The following TTC23 variants were observed in gnomAD, a reference collection of about 807,000 sequenced individuals.
TTC23 encodes tetratricopeptide repeat domain 23.
Under a neutral mutation model 55.1 loss-of-function variants are expected in TTC23, and 58 were observed. That is an observed-to-expected ratio of 1.05 (90% CI 0.85 to 1.31). The LOEUF (loss-of-function observed/expected upper bound fraction) is 1.31. Among genes scored for constraint, TTC23 ranks in the 50% most tolerant of loss-of-function variants. The pLI is 0.00. For missense variants in TTC23, 516 were observed against 534.4 expected, an observed-to-expected ratio of 0.97 and a Z score of 0.34; for synonymous variants, 203 against 199.9, an observed-to-expected ratio of 1.02 and a Z score of -0.13.
chr15:99,143,502 C>CT (rs1861617036), intron 12 of TTC23, among the ~76,000 whole-genome samples: 2 of 152,222 alleles, frequency 1.3e-5, no homozygotes, highest in African/African-American at 4.8e-5. Flanking sequence ...ATATTCTGTG[C>CT]TCCCCAGATT....
intron 8 of TTC23, among the ~76,000 whole-genome samples, chr15:99,215,393 A>G (rs1345688593): frequency 6.6e-6 from 1 of 152,194 alleles, no homozygotes; most frequent in Admixed American, 6.5e-5. Context: ...ATTTACAATT[A>G]GATTCTAATA....
chr15:99,157,849 C>T (rs1238455492), intron 11 of TTC23: 1 of 152,206 alleles, frequency 6.6e-6, no homozygotes, highest in Non-Finnish European at 1.5e-5. Flanking sequence ...TCCATACTTT[C>T]TCCAGAAATT....
intron 9 of TTC23, among the ~76,000 whole-genome samples, chr15:99,193,145 G>A (rs1202897081): frequency 2.0e-5 from 3 of 152,182 alleles, no homozygotes; most frequent in Admixed American, 2.0e-4. Flanking sequence ...GACAGGACTT[G>A]CCTTGTCTCT....
At chr15:99,192,645 C>A (rs2075338828) in intron 9 of TTC23, among the ~76,000 whole-genome samples, 1 of 152,162 alleles carries the variant, frequency 6.6e-6, no homozygotes, top group East Asian at 1.9e-4. Context: ...GGGGTGGGGT[C>A]CTCATGAAGA....
intron 4 of TTC23, among the ~76,000 whole-genome samples, chr15:99,232,693 T>C (rs2079026847): frequency 1.3e-5 from 2 of 152,140 alleles, no homozygotes; most frequent in Non-Finnish European, 2.9e-5. Flanking sequence ...TCCTTGCACA[T>C]TGTTGGTGGG....
intron 9 of TTC23, among the ~76,000 whole-genome samples, chr15:99,189,116 C>T (rs918565373): frequency 2.0e-5 from 3 of 152,068 alleles, no homozygotes; most frequent in African/African-American, 7.2e-5. Flanking sequence ...ATAGTACATA[C>T]ATAAAATGTA....
intron 8 of TTC23, among the ~76,000 whole-genome samples, chr15:99,211,531 A>T (rs1316908219): frequency 6.6e-6 from 1 of 152,204 alleles, no homozygotes; most frequent in East Asian, 1.9e-4. Flanking sequence ...GTCTTGAAGT[A>T]CAAAACCTTA....
intron 4 of TTC23, among the ~76,000 whole-genome samples, chr15:99,231,796 T>C (rs2078958239): frequency 6.6e-6 from 1 of 151,482 alleles, no homozygotes; most frequent in Non-Finnish European, 1.5e-5. Context: ...CTGGCCTGTT[T>C]GTTTGTTTGT....
intron 10 of TTC23, among the ~76,000 whole-genome samples, chr15:99,171,833 G>T (rs201535064): frequency 1.3e-5 from 2 of 152,076 alleles, no homozygotes; most frequent in South Asian, 4.2e-4. Flanking sequence ...GCCTCCCAAA[G>T]TGCTGGGATT....
At chr15:99,181,961 C>G (rs1313769379) in intron 9 of TTC23, among the ~76,000 whole-genome samples, 1 of 152,126 alleles carries the variant, frequency 6.6e-6, no homozygotes, top group Non-Finnish European at 1.5e-5. Context: ...AAGCACTACT[C>G]TGTATAAGCA....
chr15:99,175,225 T>C (rs1048514011), intron 9 of TTC23, 70 bp from the exon 10 acceptor site: 11 of 1,289,056 alleles, frequency 8.5e-6, no homozygotes, highest in African/African-American at 1.5e-5. Flanking sequence ...TAACTGTCCT[T>C]GCAGAGATAA....
At chr15:99,198,415 A>T (rs1267530327) in intron 9 of TTC23, among the ~76,000 whole-genome samples, 1 of 151,978 alleles carries the variant, frequency 6.6e-6, no homozygotes, top group East Asian at 1.9e-4. Flanking sequence ...CTGCCTCCTA[A>T]ATCTTTCCTA....
intron 3 of TTC23, among the ~76,000 whole-genome samples, chr15:99,238,337 T>C (rs2079492618): frequency 6.6e-6 from 1 of 152,106 alleles, no homozygotes; most frequent in Non-Finnish European, 1.5e-5. Flanking sequence ...ACCAGGCTAA[T>C]GTATTACGCA....
At chr15:99,236,840 T>G (rs1239867791) in intron 3 of TTC23, among the ~76,000 whole-genome samples, 5 of 152,244 alleles carry the variant, frequency 3.3e-5, no homozygotes, top group South Asian at 2.1e-4. Flanking sequence ...TATTGTCCTG[T>G]TTTTGCACAA....
At chr15:99,242,330 C>T (rs2079884682) in intron 2 of TTC23, among the ~76,000 whole-genome samples, 1 of 151,698 alleles carries the variant, frequency 6.6e-6, no homozygotes, top group African/African-American at 2.4e-5. Flanking sequence ...AGATCTATAA[C>T]AAGTAAAAAA....
chr15:99,242,869 AATAT>A (rs567470050), intron 2 of TTC23, among the ~76,000 whole-genome samples: 232 of 152,354 alleles, frequency 1.5e-3, no homozygotes, highest in African/African-American at 5.5e-3. Flanking sequence ...TAAAGACTTA[AATAT>A]AAGACCTGAA....
rs548325130 is a variant in TTC23, at chr15:99,246,911, G to A, written c.-430-1401C>T. ...CACTCCAGCCTGAGCGACAAAGCGA[G>A]ACCCAGTCTCAAACAAACAAACAAA... On this transcript the variant is annotated intron_variant, in intron 1 of 13. Coordinates refer to ENST00000394132, the MANE Select transcript of TTC23 (RefSeq NM_001288615.3). 5.3e-5 allele frequency among the ~76,000 whole-genome samples: 8 copies of A among 152,144 alleles called. No individual in the cohort carries two copies. In the East Asian group the frequency reaches 1.5e-3, roughly 29 times the overall value.
At chr15:99,188,680 T>C (rs1023860828) in intron 9 of TTC23, among the ~76,000 whole-genome samples, 6 of 152,030 alleles carry the variant, frequency 3.9e-5, no homozygotes, top group African/African-American at 1.4e-4. Flanking sequence ...ACAAAAAATA[T>C]ATGAAAGTCA....
At chr15:99,203,691 C>CT (rs140833020) in intron 8 of TTC23, among the ~76,000 whole-genome samples, 2 of 151,422 alleles carry the variant, frequency 1.3e-5, no homozygotes, top group East Asian at 1.9e-4. Flanking sequence ...TTCAATTTTT[C>CT]TTTTTTTTCT....
Sources: gnomAD v4.1 joint callset for allele counts (sites outside exome capture counted in the v4.1 genomes callset) on GRCh38, gnomAD v4.1.1 for gene constraint, MANE v1.5 for transcripts, NCBI Gene and HGNC (gene_info 2026-07-23, HGNC 2026-07-21) for gene names.